The following POLN variants were observed in gnomAD, a reference collection of about 807,000 sequenced individuals.
POLN encodes the protein DNA polymerase nu.
In POLN, 108 loss-of-function variants were observed where a neutral mutation model predicts 113.5. The ratio of observed to expected loss-of-function variants is 0.95; its 90% confidence interval spans 0.81 to 1.12. The LOEUF (loss-of-function observed/expected upper bound fraction) is 1.12. Among genes scored for constraint, POLN ranks in the 50% most tolerant of loss-of-function variants. The pLI is 0.00. For missense variants in POLN, 1,097 were observed against 1,077.1 expected, an observed-to-expected ratio of 1.02 and a Z score of -0.26; for synonymous variants, 386 against 391.5, an observed-to-expected ratio of 0.99 and a Z score of 0.17.
intron 20 of POLN, among the ~76,000 whole-genome samples, chr4:2,095,069 CA>C (rs983779218): frequency 6.6e-5 from 10 of 151,988 alleles, no homozygotes; most frequent in Non-Finnish European, 1.0e-4. Flanking sequence ...CAGCATGACC[CA>C]GGGCCAGAAA....
intron 16 of POLN, among the ~76,000 whole-genome samples, chr4:2,148,929 A>G (rs559090607): frequency 6.6e-6 from 1 of 152,284 alleles, no homozygotes; most frequent in African/African-American, 2.4e-5. Context: ...GAGAAAAAAA[A>G]CCTTTTAACT....
chr4:2,215,520 A>T (rs1185364540), intron 3 of POLN, among the ~76,000 whole-genome samples: 1 of 152,232 alleles, frequency 6.6e-6, no homozygotes, highest in Non-Finnish European at 1.5e-5. Context: ...CAATGGGTCA[A>T]GACAGCTGGG....
At chr4:2,072,932 C>A (rs764440828) in intron 25 of POLN, 36 bp downstream of exon 25, 1 of 1,609,050 alleles carries the variant, frequency 6.2e-7, no homozygotes, top group South Asian at 1.1e-5. Context: ...TCACCCTGGG[C>A]TCCGGAAGAC....
intron 6 of POLN, 69 bp from the exon 7 acceptor site, chr4:2,193,385 T>G (rs766312251): frequency 2.0e-6 from 2 of 992,650 alleles, no homozygotes; most frequent in Non-Finnish European, 3.0e-6. Flanking sequence ...AAAAATATTA[T>G]TACTACTCAA....
chr4:2,209,638 T>C (rs972741478), intron 4 of POLN, among the ~76,000 whole-genome samples: 7 of 150,958 alleles, frequency 4.6e-5, no homozygotes, highest in Admixed American at 4.0e-4. Context: ...ACTTTATTTT[T>C]AAGGTTTCTT....
chr4:2,231,024 G>C (rs910625666), intron 2 of POLN: 1 of 152,178 alleles, frequency 6.6e-6, no homozygotes, highest in East Asian at 1.9e-4. Context: ...TGATGTGTAA[G>C]TCACATTAAA....
chr4:2,213,741 A>G (rs1734046420), intron 3 of POLN, among the ~76,000 whole-genome samples: 1 of 152,218 alleles, frequency 6.6e-6, no homozygotes, highest in South Asian at 2.1e-4. Flanking sequence ...AATATAACAA[A>G]AAAGATACAA....
intron 23 of POLN, among the ~76,000 whole-genome samples, chr4:2,077,817 G>T (rs1730311165): frequency 6.6e-6 from 1 of 152,208 alleles, no homozygotes; most frequent in South Asian, 2.1e-4. Context: ...GCTTCTAACT[G>T]GGAAATGGGG....
intron 6 of POLN, among the ~76,000 whole-genome samples, chr4:2,195,186 G>C (rs111916685): frequency 3.3e-4 from 50 of 152,162 alleles, no homozygotes; most frequent in African/African-American, 1.2e-3. Context: ...TATAATCATA[G>C]GATTGGGATT....
intron 3 of POLN, chr4:2,228,583 A>G: frequency 5.9e-6 from 1 of 168,858 alleles, no homozygotes; most frequent in South Asian, 1.1e-4. Flanking sequence ...ATGATCGCCG[A>G]CCTCGGCCTC....
At chr4:2,153,973 G>A (rs1454815972) in intron 16 of POLN, among the ~76,000 whole-genome samples, 3 of 151,212 alleles carry the variant, frequency 2.0e-5, no homozygotes, top group Non-Finnish European at 3.0e-5. Flanking sequence ...CGAGGCGGGC[G>A]GATCACAAGG....
At chr4:2,223,909 T>C (rs1180565630) in intron 3 of POLN, among the ~76,000 whole-genome samples, 2 of 152,248 alleles carry the variant, frequency 1.3e-5, no homozygotes, top group African/African-American at 2.4e-5. Context: ...TACACTGATG[T>C]AGACTTCACA....
chr4:2,232,503 T>A (rs1734619179), intron 2 of POLN, among the ~76,000 whole-genome samples: 1 of 152,230 alleles, frequency 6.6e-6, no homozygotes, highest in South Asian at 2.1e-4. Flanking sequence ...AAAATCTCCC[T>A]GATGGAGCTT....
At chr4:2,154,733 C>T (rs1341493697) in intron 16 of POLN, among the ~76,000 whole-genome samples, 1 of 152,068 alleles carries the variant, frequency 6.6e-6, no homozygotes, top group Non-Finnish European at 1.5e-5. Flanking sequence ...TATGGTATTG[C>T]TATGATAAAG....
At chr4:2,118,368 T>C (rs1235560528) in intron 19 of POLN, among the ~76,000 whole-genome samples, 3 of 152,208 alleles carry the variant, frequency 2.0e-5, no homozygotes, top group Non-Finnish European at 4.4e-5. Context: ...TATATTTAAA[T>C]GTGCAAGACT....
intron 6 of POLN, among the ~76,000 whole-genome samples, chr4:2,195,670 G>T (rs1219029877): frequency 6.6e-6 from 1 of 151,900 alleles, no homozygotes; most frequent in Non-Finnish European, 1.5e-5. Flanking sequence ...TTTTTGTAGA[G>T]ATTGGGTCTC....
At chr4:2,161,161 C>G (rs182400645) in intron 13 of POLN, among the ~76,000 whole-genome samples, 3 of 152,356 alleles carry the variant, frequency 2.0e-5, no homozygotes, top group Non-Finnish European at 2.9e-5. Flanking sequence ...TGGGCTCCCA[C>G]TTTGGCGGCA....
intron 7 of POLN, among the ~76,000 whole-genome samples, chr4:2,190,081 A>C (rs1390671170): frequency 6.6e-6 from 1 of 152,042 alleles, no homozygotes; most frequent in Non-Finnish European, 1.5e-5. Context: ...TATGGAACCA[A>C]ACACCCTGAA....
At chr4:2,191,480 A>C (rs1327152597) in intron 7 of POLN, among the ~76,000 whole-genome samples, 1 of 152,214 alleles carries the variant, frequency 6.6e-6, no homozygotes, top group African/African-American at 2.4e-5. Context: ...AATAGCTAGT[A>C]AAGGAAAATT....
Sources: allele counts gnomAD v4.1 joint callset (sites outside exome capture counted in the v4.1 genomes callset), GRCh38; gene constraint gnomAD v4.1.1; transcripts MANE v1.5; gene names NCBI Gene and HGNC (gene_info 2026-07-23, HGNC 2026-07-21).